ARIH1: variants seen among roughly 807,000 people sequenced by gnomAD.
ARIH1 encodes E3 ubiquitin-protein ligase ARIH1.
In ARIH1, 8 loss-of-function variants were observed where a neutral mutation model predicts 85.0. That is an observed-to-expected ratio of 0.09 (90% confidence interval 0.06 to 0.17). The LOEUF is 0.17. Ranked by LOEUF, ARIH1 falls within the 10% of genes least tolerant of loss-of-function variation. The pLI is 1.00. For missense variants in ARIH1, 311 were observed against 718.1 expected (o/e 0.43, Z 6.48); for synonymous variants, 238 against 253.6 (o/e 0.94, Z 0.59).
intron 3 of ARIH1, among the ~76,000 whole-genome samples, chr15:72,547,677 T>G (rs1440082139): frequency 1.3e-5 from 2 of 152,246 alleles, no homozygotes; most frequent in Non-Finnish European, 2.9e-5. Context: ...ATATTAATAT[T>G]TTGACTATTT....
At chr15:72,561,794 G>A (rs1376034110) in intron 6 of ARIH1, among the ~76,000 whole-genome samples, 2 of 152,010 alleles carry the variant, frequency 1.3e-5, no homozygotes, top group African/African-American at 2.4e-5. Flanking sequence ...CCAACATGGC[G>A]AAACCCTGTC....
chr15:72,508,656 CTTTTCAGCA>C lies in ARIH1; in HGVS notation c.376-9408_376-9400del, dbSNP rs529627816. ...TAAATAATTTCAAATCTATGTTCTCCTTTTCAGCATTCCCTTTTACTCTCATTGTTCTTT... is the reference window on the plus strand; with the variant it reads ...TAAATAATTTCAAATCTATGTTCTCCTTCCCTTTTACTCTCATTGTTCTTT... On this transcript the variant is annotated intron_variant, in intron 1 of 13. Transcript: ENST00000379887. Among the ~76,000 whole-genome samples, 226 of 151,598 alleles carry C rather than the reference CTTTTCAGCA, an allele frequency of 1.5e-3. 1 individual carries two copies. Among genetic ancestry groups the C allele is most frequent in the Non-Finnish European group, 2.2e-3 (150 of 67,900 alleles).
rs1442896086 is a variant in ARIH1 at position 72,479,939 on chromosome 15, C to A, written c.375+4925C>A. Among the ~76,000 whole-genome samples the A allele has an allele frequency of 9.9e-5, 15 of 151,782 alleles. No individual in the cohort carries two copies. In the South Asian group the frequency reaches 2.9e-3, roughly 29 times the overall value. On this transcript the variant is annotated intron_variant, in intron 1 of 13. Coordinates refer to ENST00000379887, the MANE Select transcript of ARIH1 (RefSeq NM_005744.5). ...CTGGAGTGCGGTGGTGCGATCTCGG[C>A]TCACCGCAAGCTCCGCCTCCTGGGT... is the stretch of plus-strand genomic sequence containing the variant.
chr15:72,542,431 C>T (rs1052104970), intron 2 of ARIH1, among the ~76,000 whole-genome samples: 15 of 152,186 alleles, frequency 9.9e-5, no homozygotes, highest in African/African-American at 3.6e-4. Flanking sequence ...TTCACCTTCA[C>T]TAATAAATAA....
intron 1 of ARIH1, among the ~76,000 whole-genome samples, chr15:72,504,426 C>T (rs936735031): frequency 5.9e-5 from 9 of 152,070 alleles, no homozygotes; most frequent in African/African-American, 1.7e-4. Context: ...AAATGAGGTC[C>T]TGCCAGACGC....
At chr15:72,497,267 T>A (rs1383214722) in intron 1 of ARIH1, among the ~76,000 whole-genome samples, 1 of 152,204 alleles carries the variant, frequency 6.6e-6, no homozygotes, top group African/African-American at 2.4e-5. Context: ...TGTGTATATT[T>A]ATGTGTTAAT....
At chr15:72,577,564 T>C (rs2064277272) in intron 11 of ARIH1, among the ~76,000 whole-genome samples, 1 of 151,930 alleles carries the variant, frequency 6.6e-6, no homozygotes, top group African/African-American at 2.4e-5. Flanking sequence ...TCCGAGCTAC[T>C]TGGGAAGATA....
Position 72,474,716 on chromosome 15 carries a change from A to G in ARIH1, c.77A>G (p.Glu26Gly), listed in dbSNP as rs2140386460. 6.4e-7 allele frequency: 1 copy of G among 1,566,628 alleles called. No homozygotes were observed. Reference protein sequence around the residue: ...ECSEEDSGAEEEEDEDDDEPD... With the variant: ...ECSEEDSGAEGEEDEDDDEPD... Reference sequence around the variant, plus strand: ...AGTGAGGAGGACAGCGGCGCCGAGGAGGAGGAGGACGAAGACGACGACGAG... The same window carrying G: ...AGTGAGGAGGACAGCGGCGCCGAGGGGGAGGAGGACGAAGACGACGACGAG... Residue 26 changes from glutamate (E) to glycine (G), a missense_variant, in exon 1 of 14, where the codon GAG (glutamate) becomes GGG (glycine). Glu to Gly is a moderately conservative substitution (Grantham distance 98). Around this residue, in one of 3 missense-constraint regions of ARIH1, gnomAD observed 157 missense variants for 185.1 expected, o/e 0.85. Coordinates refer to ENST00000379887, the MANE Select transcript of ARIH1 (RefSeq NM_005744.5).
At chr15:72,507,083 C>T in intron 1 of ARIH1, among the ~76,000 whole-genome samples, 1 of 152,104 alleles carries the variant, frequency 6.6e-6, no homozygotes, top group East Asian at 1.9e-4. Context: ...AGTGCAGTGG[C>T]ATGATCTCAG....
At chr15:72,523,741 G>C (rs1354321048) in intron 2 of ARIH1, among the ~76,000 whole-genome samples, 2 of 151,990 alleles carry the variant, frequency 1.3e-5, no homozygotes, top group African/African-American at 4.8e-5. Flanking sequence ...TATTAGGACA[G>C]GGTTATATGG....
chr15:72,581,798 T>G (rs903653200), intron 12 of ARIH1: 1 of 256,808 alleles, frequency 3.9e-6, no homozygotes, highest in African/African-American at 2.2e-5. Flanking sequence ...ACGAGAAGAT[T>G]CCAAAAGACA....
chr15:72,551,834 T>C (rs190821830), intron 3 of ARIH1, among the ~76,000 whole-genome samples: 2 of 152,032 alleles, frequency 1.3e-5, no homozygotes, highest in African/African-American at 4.8e-5. Flanking sequence ...ATCAAGAGAG[T>C]ATACAGAAAA....
At position 72,584,824 on chromosome 15, in the gene ARIH1, A is replaced by G. The variant is rs557264137; in HGVS notation, c.*1532A>G. The G allele has an allele frequency of 4.0e-5, 6 of 151,632 alleles. No homozygotes were observed. The highest frequency in any genetic ancestry group is 8.8e-5 in the Non-Finnish European group (6 of 67,920). The allele number at this position is 151,632 out of a possible 1,614,324, so 9.4% of individuals were successfully genotyped here. ...TATTAACTATATACCTGTTTAGGCCATTCTGGCTGTGGTATTTTTCAATAG... is the reference window on the plus strand; with the variant it reads ...TATTAACTATATACCTGTTTAGGCCGTTCTGGCTGTGGTATTTTTCAATAG... On this transcript the variant is annotated 3_prime_UTR_variant, in exon 14 of 14. Coordinates refer to ENST00000379887, the MANE Select transcript of ARIH1 (RefSeq NM_005744.5).
At chr15:72,525,110 C>CG (rs1321771903) in intron 2 of ARIH1, among the ~76,000 whole-genome samples, 13 of 152,226 alleles carry the variant, frequency 8.5e-5, no homozygotes, top group South Asian at 4.1e-4. Context: ...AGGCTGGTCT[C>CG]GAACTCCTGA....
chr15:72,574,428 C>T (rs778268419), intron 11 of ARIH1, among the ~76,000 whole-genome samples: 2 of 152,198 alleles, frequency 1.3e-5, no homozygotes, highest in Non-Finnish European at 2.9e-5. Flanking sequence ...CACTCCCAAG[C>T]TCTTGGCCTA....
At position 72,597,287 on chromosome 15, in the gene ARIH1, C is replaced by T. The variant is rs1052491725; in HGVS notation, c.*13995C>T. 6 of 151,784 alleles carry T rather than the reference C, an allele frequency of 4.0e-5. No individual in the cohort carries two copies. The highest frequency in any genetic ancestry group is 7.3e-5 in the African/African-American group (3 of 41,324). 9.4% of individuals were successfully genotyped at this position (151,784 alleles called of 1,614,324 possible). On this transcript the variant is annotated 3_prime_UTR_variant, in exon 14 of 14. Transcript: ENST00000379887. The stretch of plus-strand genomic sequence containing the variant: ...CTCTAGCTTCAAATATTTGAAGGAA[C>T]GTAGAATCAGAACTCTCATATCACC...
At chr15:72,546,868 G>A (rs1224431647) in intron 3 of ARIH1, among the ~76,000 whole-genome samples, 1 of 147,958 alleles carries the variant, frequency 6.8e-6, no homozygotes, top group African/African-American at 2.5e-5. Flanking sequence ...GGCATTATAG[G>A]TGTGAGCCAC....
intron 2 of ARIH1, among the ~76,000 whole-genome samples, chr15:72,520,867 A>G (rs1460914103): frequency 2.6e-5 from 4 of 151,688 alleles, no homozygotes; most frequent in Non-Finnish European, 5.9e-5. Flanking sequence ...TTTTTGAAAC[A>G]GGGTCTCACT....
Position 72,474,630 on chromosome 15 carries a change from G to T in ARIH1, c.-10G>T. 6.6e-7 allele frequency: 1 copy of T among 1,509,972 alleles called. No homozygotes were observed. The highest frequency in any genetic ancestry group is 8.9e-7 in the Non-Finnish European group (1 of 1,129,562). The allele number at this position is 1,509,972 out of a possible 1,614,324, so 93.5% of individuals were successfully genotyped here. ...CGGCCAGCGTCCGCCGGGCCCCCGC[G>T]CGTCGCGCCATGGACTCGGACGAGG... On this transcript the variant is annotated 5_prime_UTR_variant, in exon 1 of 14. Coordinates refer to ENST00000379887, the MANE Select transcript of ARIH1 (RefSeq NM_005744.5).
Sources: gnomAD v4.1 joint callset for allele counts (sites outside exome capture counted in the v4.1 genomes callset) on GRCh38, gnomAD v4.1.1 for gene constraint, gnomAD v4.1.1 regional missense constraint, MANE v1.5 for transcripts, NCBI Gene and HGNC (gene_info 2026-07-23, HGNC 2026-07-21) for gene names.